SFMBT2: variants seen among roughly 807,000 people sequenced by gnomAD.
The protein encoded by SFMBT2 is scm-like with four MBT domains protein 2.
SFMBT2 carries 38 observed loss-of-function variants against 110.1 expected under a neutral mutation model. The observed-to-expected ratio is 0.35, with a 90% CI of 0.27 to 0.45. SFMBT2 has a LOEUF of 0.45. Among genes scored for constraint, SFMBT2 ranks in the 20% least tolerant of loss-of-function variants. SFMBT2 has a pLI of 1.00. For missense variants in SFMBT2, 1,011 were observed against 1,094.9 expected (o/e 0.92, Z 1.08); for synonymous variants, 425 against 425.4 (o/e 1.00, Z 0.01).
At position 7,254,327 on chromosome 10, in the gene SFMBT2, G is replaced by A. The variant is rs541938764; in HGVS notation, c.871-5678C>T. On this transcript the variant is annotated intron_variant, in intron 7 of 20. Transcript: ENST00000397167. ...TAACAGCTATTGCATGGAATACACA[G>A]AACACCCTCCATTTGTCAAAGGGAG... Among the ~76,000 whole-genome samples, 32 of 152,156 alleles carry A rather than the reference G, an allele frequency of 2.1e-4. No individual in the cohort carries two copies. In the South Asian group the frequency reaches 6.4e-3, roughly 31 times the overall value.
chr10:7,228,727 CTTTCTTTCCTT>C (rs1564395286), intron 9 of SFMBT2, among the ~76,000 whole-genome samples: 12 of 91,976 alleles, frequency 1.3e-4, no homozygotes, highest in African/African-American at 3.5e-4. Flanking sequence ...TTCTTTCTTT[CTTTCTTTCCTT>C]TCTCTCTCTC....
chr10:7,313,805 A>C (rs907720781), intron 4 of SFMBT2, among the ~76,000 whole-genome samples: 2 of 152,152 alleles, frequency 1.3e-5, no homozygotes, highest in African/African-American at 4.8e-5. Context: ...GGTTGAGTGA[A>C]ACCAACATGT....
At position 7,408,150 on chromosome 10, in the gene SFMBT2, C is replaced by G. The variant is rs1400877318; in HGVS notation, c.-52+2711G>C. Among the ~76,000 whole-genome samples the G allele has an allele frequency of 6.6e-6, 1 of 152,258 alleles. No individual in the cohort carries two copies. The highest frequency in any genetic ancestry group is 2.4e-5 in the African/African-American group (1 of 41,478). On this transcript the variant is annotated intron_variant, in intron 1 of 20. Transcript: ENST00000397167. The surrounding 1 kb of genome is among the most constrained non-coding windows in gnomAD (Gnocchi z 5.7). ...TCAGGAGGACAAGGGGAGGGGTTCG[C>G]GGCTGAAACTGCAGCTTCGCAGCAC...
At chr10:7,224,879 G>T (rs897364311) in intron 10 of SFMBT2, among the ~76,000 whole-genome samples, 5 of 152,154 alleles carry the variant, frequency 3.3e-5, no homozygotes, top group African/African-American at 1.2e-4. Context: ...CTTGTGGAAA[G>T]AAATCAAGGT....
At chr10:7,216,457 G>A (rs550395201) in intron 11 of SFMBT2, among the ~76,000 whole-genome samples, 21 of 152,222 alleles carry the variant, frequency 1.4e-4, no homozygotes, top group African/African-American at 4.8e-4. Flanking sequence ...TTCAGCTTCC[G>A]CCATGATTGT....
chr10:7,168,678 G>A (rs1055051909), intron 20 of SFMBT2, among the ~76,000 whole-genome samples: 2 of 152,246 alleles, frequency 1.3e-5, no homozygotes, highest in African/African-American at 4.8e-5. Flanking sequence ...GCTGTGCTGG[G>A]CAGCGCTTTA....
At position 7,172,532 on chromosome 10, in the gene SFMBT2, C is replaced by T. The variant is rs1837915662; in HGVS notation, c.2114G>A (p.Arg705Lys). 6.2e-7 allele frequency: 1 copy of T among 1,614,212 alleles called. No individual in the cohort carries two copies. Among genetic ancestry groups the T allele is most frequent in the Non-Finnish European group, 8.5e-7 (1 of 1,180,038 alleles). Residue 705 changes from arginine to lysine, a missense_variant, in exon 18 of 21, where the codon AGG becomes AAG. Physicochemically the swap from Arg to Lys is conservative, Grantham distance 26. Around this residue, in one of 2 missense-constraint regions of SFMBT2, gnomAD observed 979 missense variants for 1,016.1 expected, o/e 0.96. Coordinates refer to ENST00000397167, the MANE Select transcript of SFMBT2 (RefSeq NM_001387889.1). This position sits in a 1 kb window ranked among gnomAD's most constrained non-coding sequence, Gnocchi z 4.6. ...CGCGGTGAAGTCCACGGCAGAAGACCTCCGTTTCTTCTGCACGAAAATGGA... is the reference window on the plus strand; with the variant it reads ...CGCGGTGAAGTCCACGGCAGAAGACTTCCGTTTCTTCTGCACGAAAATGGA... ...RKSIFVQKKR[R>K]SSAVDFTAGS...
At chr10:7,356,598 A>G (rs995636166) in intron 4 of SFMBT2, among the ~76,000 whole-genome samples, 1 of 152,106 alleles carries the variant, frequency 6.6e-6, no homozygotes, top group Non-Finnish European at 1.5e-5. Flanking sequence ...TTTTTAATAG[A>G]GACAGCATTT....
At chr10:7,239,915 C>T (rs1840380944) in intron 9 of SFMBT2, among the ~76,000 whole-genome samples, 1 of 152,050 alleles carries the variant, frequency 6.6e-6, no homozygotes, top group Admixed American at 6.5e-5. Context: ...ACCCCTGCAC[C>T]CCTGCACCAG....
chr10:7,294,061 G>A (rs1842334562), intron 4 of SFMBT2, among the ~76,000 whole-genome samples: 1 of 152,228 alleles, frequency 6.6e-6, no homozygotes, highest in African/African-American at 2.4e-5. Flanking sequence ...CTAGGACAGA[G>A]CCCAGCTGGA....
At chr10:7,268,246 C>T (rs1432631348) in intron 7 of SFMBT2, among the ~76,000 whole-genome samples, 1 of 152,176 alleles carries the variant, frequency 6.6e-6, no homozygotes, top group African/African-American at 2.4e-5. Flanking sequence ...AGTATACACT[C>T]AGTGAACTGG....
chr10:7,227,761 C>T, intron 10 of SFMBT2, 94 bp downstream of exon 10: 2 of 1,066,772 alleles, frequency 1.9e-6, no homozygotes, highest in South Asian at 1.3e-5. Flanking sequence ...CTGTAATACT[C>T]CAACCGTGCT....
intron 7 of SFMBT2, among the ~76,000 whole-genome samples, chr10:7,254,656 C>T (rs1034545095): frequency 1.3e-5 from 2 of 151,970 alleles, no homozygotes; most frequent in South Asian, 4.2e-4. Flanking sequence ...CCCATCTCTA[C>T]TAAAGAAAAA....
chr10:7,218,943 T>C (rs978580249), intron 11 of SFMBT2, among the ~76,000 whole-genome samples: 1 of 152,182 alleles, frequency 6.6e-6, no homozygotes, highest in African/African-American at 2.4e-5. Context: ...TCATAAAGCA[T>C]GCTGAAAGTA....
chr10:7,280,768 T>G (rs569125977), intron 6 of SFMBT2, among the ~76,000 whole-genome samples: 25 of 152,184 alleles, frequency 1.6e-4, no homozygotes, highest in Non-Finnish European at 3.2e-4. Context: ...ACCAGAATGC[T>G]ATTTCCTCTG....
At chr10:7,225,669 C>G (rs1013500759) in intron 10 of SFMBT2, among the ~76,000 whole-genome samples, 7 of 151,956 alleles carry the variant, frequency 4.6e-5, no homozygotes, top group African/African-American at 1.7e-4. Context: ...TTCCTGGCTG[C>G]GAATGGGAAC....
chr10:7,249,260 C>T (rs1840721443), intron 7 of SFMBT2: 1 of 173,644 alleles, frequency 5.8e-6, no homozygotes. Context: ...GAGCAACACC[C>T]CATTCCTAAT....
intron 16 of SFMBT2, among the ~76,000 whole-genome samples, chr10:7,186,425 TACAC>T (rs780362808): frequency 0.019 from 2,051 of 109,358 alleles, 29 homozygotes; most frequent in Non-Finnish European, 0.025. Flanking sequence ...ATACTATATA[TACAC>T]ACACACACAC....
chr10:7,393,016 T>TATAATATAG (rs1845820105), intron 1 of SFMBT2, among the ~76,000 whole-genome samples: 1 of 80,218 alleles, frequency 1.2e-5, no homozygotes, highest in Admixed American at 1.1e-4. Flanking sequence ...TATATATATA[T>TATAATATAG]ATATATATAT....
Sources: allele counts gnomAD v4.1 joint callset (sites outside exome capture counted in the v4.1 genomes callset), GRCh38; gene constraint gnomAD v4.1.1; regional missense constraint gnomAD v4.1.1; non-coding constraint Gnocchi (gnomAD v3.1); transcripts MANE v1.5; gene names NCBI Gene and HGNC (gene_info 2026-07-23, HGNC 2026-07-21).